CD96: variants seen among roughly 807,000 people sequenced by gnomAD.
The protein encoded by CD96 is T-cell surface protein tactile.
Under a neutral mutation model 71.3 loss-of-function variants are expected in CD96, and 70 were observed. That is an observed-to-expected ratio of 0.98 (90% CI 0.81 to 1.20). CD96 has a LOEUF of 1.20. Ranked by LOEUF, CD96 falls within the 50% of genes most tolerant of loss-of-function variation. The pLI is 0.00. For missense variants in CD96, 742 were observed against 677.5 expected, an observed-to-expected ratio of 1.10 and a Z score of -1.06; for synonymous variants, 248 against 233.0, an observed-to-expected ratio of 1.06 and a Z score of -0.59.
chr3:111,561,758 C>T (rs1576320056), intron 2 of CD96, among the ~76,000 whole-genome samples: 1 of 148,574 alleles, frequency 6.7e-6, no homozygotes, highest in Non-Finnish European at 1.5e-5. Flanking sequence ...TTCCCGGCTG[C>T]TTTGTTTACC....
At chr3:111,643,526 G>A (rs568105892) in intron 12 of CD96, among the ~76,000 whole-genome samples, 1 of 152,252 alleles carries the variant, frequency 6.6e-6, no homozygotes, top group Non-Finnish European at 1.5e-5. Flanking sequence ...AATCAGTAAA[G>A]AGGAAGTCAA....
At chr3:111,596,302 G>C (rs1937259770) in intron 5 of CD96, among the ~76,000 whole-genome samples, 1 of 152,122 alleles carries the variant, frequency 6.6e-6, no homozygotes, top group African/African-American at 2.4e-5. Flanking sequence ...TTCAAAATAG[G>C]AATGAGACTG....
At chr3:111,659,367 G>C (rs549981270) in intron 14 of CD96, among the ~76,000 whole-genome samples, 1 of 151,892 alleles carries the variant, frequency 6.6e-6, no homozygotes, top group Non-Finnish European at 1.5e-5. Flanking sequence ...ACTTCATTAA[G>C]CTCTTCTCTA....
intron 4 of CD96, among the ~76,000 whole-genome samples, chr3:111,579,633 C>T (rs1242424219): frequency 6.6e-6 from 1 of 152,156 alleles, no homozygotes; most frequent in African/African-American, 2.4e-5. Flanking sequence ...CCCAAGGTGG[C>T]ACACGGTATC....
At chr3:111,663,502 A>C (rs1940405433) in intron 14 of CD96, among the ~76,000 whole-genome samples, 1 of 152,220 alleles carries the variant, frequency 6.6e-6, no homozygotes, top group Non-Finnish European at 1.5e-5. Flanking sequence ...TTTAAAGGGA[A>C]GTTAAACAAA....
chr3:111,542,280 A>C lies in CD96; in HGVS notation c.32A>C (p.Tyr11Ser), dbSNP rs140727933. Residue 11 changes from tyrosine to serine, a missense_variant, in exon 1 of 14, where the codon TAT (tyrosine) becomes TCT (serine). Tyr to Ser is a moderately radical substitution (Grantham distance 144). Transcript: ENST00000352690. ...AAAAAATGGAAATACTGTGCTGTCT[A>C]TTACATCATCCAGATACATTTTGTC... MEKKWKYCAV[Y>S]YIIQIHFVKG... 1 of 1,613,830 alleles carries C rather than the reference A, an allele frequency of 6.2e-7. No homozygotes were observed. The highest frequency in any genetic ancestry group is 1.3e-5 in the African/African-American group (1 of 74,926).
chr3:111,590,683 T>A (rs550901743), intron 5 of CD96, among the ~76,000 whole-genome samples: 1 of 152,288 alleles, frequency 6.6e-6, no homozygotes, highest in East Asian at 1.9e-4. Context: ...TGCACTACAA[T>A]GAGAAAAGAG....
rs367690215 is a variant in CD96, at chr3:111,570,713, A to G, written c.543+3066A>G. The stretch of plus-strand genomic sequence containing the variant: ...AGGGGCTGCTGTAGGACAGAGCATC[A>G]TAGATGGGGTTGATCTTGTCCAGAT... On this transcript the variant is annotated intron_variant, in intron 3 of 13. Transcript: ENST00000352690. The G allele has an allele frequency of 5.3e-5, 85 of 1,612,650 alleles. 1 individual carries two copies. In the East Asian group the frequency reaches 1.4e-3, roughly 26 times the overall value.
chr3:111,554,612 T>A (rs1012771695), intron 2 of CD96, among the ~76,000 whole-genome samples: 10 of 151,952 alleles, frequency 6.6e-5, no homozygotes, highest in African/African-American at 2.4e-4. Context: ...TATAATAATA[T>A]ATGTATTAAA....
chr3:111,592,110 T>C (rs1261549687), intron 5 of CD96, among the ~76,000 whole-genome samples: 3 of 152,184 alleles, frequency 2.0e-5, no homozygotes, highest in African/African-American at 7.2e-5. Context: ...ACATTATGTT[T>C]TGTTTTTTAA....
chr3:111,572,456 A>C (rs1481609223), intron 3 of CD96, among the ~76,000 whole-genome samples: 1 of 152,226 alleles, frequency 6.6e-6, no homozygotes, highest in African/African-American at 2.4e-5. Context: ...TAATTGTTAC[A>C]TGTCTGCAAA....
chr3:111,616,080 G>A (rs530356770), intron 8 of CD96, among the ~76,000 whole-genome samples: 8 of 151,886 alleles, frequency 5.3e-5, no homozygotes, highest in Non-Finnish European at 1.0e-4. Flanking sequence ...CCCATTTCCT[G>A]TTCCCCTTTT....
intron 14 of CD96, among the ~76,000 whole-genome samples, chr3:111,664,949 G>A (rs1940445812): frequency 6.6e-6 from 1 of 152,126 alleles, no homozygotes; most frequent in Non-Finnish European, 1.5e-5. Context: ...TTATTCTTAG[G>A]AAATACACAG....
intron 2 of CD96, among the ~76,000 whole-genome samples, chr3:111,555,970 C>T (rs1307856704): frequency 6.6e-6 from 1 of 152,298 alleles, no homozygotes; most frequent in Non-Finnish European, 1.5e-5. Context: ...CTTTTTCTCC[C>T]TTGAGATTAG....
intron 5 of CD96, among the ~76,000 whole-genome samples, chr3:111,591,397 A>G (rs916153979): frequency 8.2e-5 from 12 of 146,936 alleles, no homozygotes; most frequent in African/African-American, 2.8e-4. Flanking sequence ...AAAAAAAAAG[A>G]CACCAGAACC....
In CD96 at chr3:111,639,597, G is replaced by T. The variant is rs902506286; in HGVS notation, c.1477+1429G>T. On this transcript the variant is annotated intron_variant, in intron 12 of 13. Coordinates refer to ENST00000352690, the MANE Select transcript of CD96 (RefSeq NM_005816.5). ...ATAATCTTGGGAGTTCTAAGGCCCC[G>T]CCCACCACCAGTCCCTCTCCAGACT... Among the ~76,000 whole-genome samples the T allele has an allele frequency of 2.6e-5, 4 of 152,158 alleles. No individual in the cohort carries two copies. The East Asian group carries it at 5.8e-4, about 22-fold the overall frequency.
At chr3:111,560,381 G>A (rs1935324664) in intron 2 of CD96, among the ~76,000 whole-genome samples, 1 of 150,926 alleles carries the variant, frequency 6.6e-6, no homozygotes, top group African/African-American at 2.4e-5. Flanking sequence ...GCTTCCTTCA[G>A]GAGCTCTTTT....
intron 5 of CD96, among the ~76,000 whole-genome samples, chr3:111,588,667 A>G (rs1936827469): frequency 6.6e-6 from 1 of 152,176 alleles, no homozygotes; most frequent in Non-Finnish European, 1.5e-5. Context: ...TATAATAACC[A>G]TCAGATCTCA....
At position 111,561,857 on chromosome 3, in the gene CD96, C is replaced by G. The variant is rs1347378211; in HGVS notation, c.419-5666C>G. Among the ~76,000 whole-genome samples the G allele has an allele frequency of 4.7e-5, 7 of 150,162 alleles. No individual in the cohort carries two copies. In the South Asian group the frequency reaches 8.5e-4, roughly 18 times the overall value. On this transcript the variant is annotated intron_variant, in intron 2 of 13. Transcript: ENST00000352690. ...CTCAGACTGCTGTGCTAGCAATCAG[C>G]GAGATTCCGTGGGCGTAGGACCCTC...
Sources: gnomAD v4.1 joint callset for allele counts (sites outside exome capture counted in the v4.1 genomes callset) on GRCh38, gnomAD v4.1.1 for gene constraint, MANE v1.5 for transcripts, NCBI Gene and HGNC (gene_info 2026-07-23, HGNC 2026-07-21) for gene names.